The following ADCY2 variants were observed in gnomAD, a reference collection of about 807,000 sequenced individuals.
ADCY2 encodes adenylate cyclase 2, also known as adenylate cyclase type 2.
Under a neutral mutation model 125.2 loss-of-function variants are expected in ADCY2, and 31 were observed. The observed-to-expected ratio is 0.25, with a 90% confidence interval of 0.19 to 0.33. The LOEUF (loss-of-function observed/expected upper bound fraction) is 0.33. Ranked by LOEUF, ADCY2 falls within the 10% of genes least tolerant of loss-of-function variation. The pLI is 1.00. For missense variants in ADCY2, 904 were observed against 1,418.2 expected, an observed-to-expected ratio of 0.64 and a Z score of 5.82; for synonymous variants, 512 against 548.4, an observed-to-expected ratio of 0.93 and a Z score of 0.93.
intron 2 of ADCY2, among the ~76,000 whole-genome samples, chr5:7,444,254 C>A (rs1452548432): frequency 6.6e-6 from 1 of 151,776 alleles, no homozygotes; most frequent in African/African-American, 2.4e-5. Context: ...GCTGGGACTA[C>A]AGGCGCCCGC....
intron 2 of ADCY2, among the ~76,000 whole-genome samples, chr5:7,504,620 T>C (rs1743733640): frequency 6.7e-6 from 1 of 150,038 alleles, no homozygotes; most frequent in South Asian, 2.1e-4. Flanking sequence ...TTTCTTTCTT[T>C]TTTTTTTTTT....
At chr5:7,429,484 A>G (rs1740510544) in intron 2 of ADCY2, among the ~76,000 whole-genome samples, 1 of 152,362 alleles carries the variant, frequency 6.6e-6, no homozygotes, top group Non-Finnish European at 1.5e-5. Context: ...CATGTGGAAC[A>G]TTTATTTACT....
chr5:7,611,709 G>C (rs930548182), intron 3 of ADCY2, among the ~76,000 whole-genome samples: 1 of 152,102 alleles, frequency 6.6e-6, no homozygotes, highest in African/African-American at 2.4e-5. Flanking sequence ...ATGAGGGTTG[G>C]GGGTTTATCT....
chr5:7,765,938 C>CGAGA (rs145505658), intron 16 of ADCY2, among the ~76,000 whole-genome samples: 1 of 149,356 alleles, frequency 6.7e-6, no homozygotes, highest in Admixed American at 6.7e-5. Flanking sequence ...AGCGAGCGAG[C>CGAGA]GAGAGAGAGA....
In ADCY2 at chr5:7,591,385, A is replaced by G. The variant is rs1373196294; in HGVS notation, c.571-34782A>G. On this transcript the variant is annotated intron_variant, in intron 3 of 24. Coordinates refer to ENST00000338316, the MANE Select transcript of ADCY2 (RefSeq NM_020546.3). Reference sequence around the variant, plus strand: ...GTAATGATCACATTTATGATTCTGCACATGAACAGGACAGGTGATGTGAAC... The same window carrying G: ...GTAATGATCACATTTATGATTCTGCGCATGAACAGGACAGGTGATGTGAAC... 2.0e-5 allele frequency among the ~76,000 whole-genome samples: 3 copies of G among 152,222 alleles called. No homozygotes were observed. The East Asian group carries it at 5.8e-4, about 29-fold the overall frequency.
Position 7,826,928 on chromosome 5 carries a change from T to C in ADCY2, c.*57T>C. On this transcript the variant is annotated 3_prime_UTR_variant, in exon 25 of 25. Transcript: ENST00000338316. ...ATTTTCAGGAAGGTATCACACACTT[T>C]CTGACTGCAACTTCTGTCCCTTGTT... is the stretch of plus-strand genomic sequence containing the variant. 4 of 1,547,118 alleles carry C rather than the reference T, an allele frequency of 2.6e-6. No individual in the cohort carries two copies. Among genetic ancestry groups the C allele is most frequent in the Non-Finnish European group, 3.5e-6 (4 of 1,147,324 alleles).
At chr5:7,798,934 G>A (rs1744510225) in intron 20 of ADCY2, 1 of 152,174 alleles carries the variant, frequency 6.6e-6, no homozygotes, top group Non-Finnish European at 1.5e-5. Flanking sequence ...TACACACAGT[G>A]ACATGCAGGG....
chr5:7,713,024 C>T lies in ADCY2; in HGVS notation c.1622+125C>T. 3 of 661,580 alleles carry T rather than the reference C, an allele frequency of 4.5e-6. No individual in the cohort carries two copies. The South Asian group carries it at 6.5e-5, about 14-fold the overall frequency. 41.0% of individuals were successfully genotyped at this position (661,580 alleles called of 1,614,324 possible). A position where few individuals can be genotyped will look rare whatever the true frequency, so the allele number is the denominator to read the frequency against. On this transcript the variant is annotated intron_variant, in intron 11 of 24. Transcript: ENST00000338316. Reference sequence around the variant, plus strand: ...AAAGAGCAGCTCCCCCTGAAAAGCCCTATTAAATTGCTTTCAGCTTCTAAA... The same window carrying T: ...AAAGAGCAGCTCCCCCTGAAAAGCCTTATTAAATTGCTTTCAGCTTCTAAA...
At chr5:7,507,123 C>T (rs927212418) in intron 2 of ADCY2, among the ~76,000 whole-genome samples, 8 of 151,206 alleles carry the variant, frequency 5.3e-5, no homozygotes, top group Non-Finnish European at 1.0e-4. Flanking sequence ...CAGTGCACAT[C>T]GAAAGGGAGC....
intron 3 of ADCY2, among the ~76,000 whole-genome samples, chr5:7,568,507 GTTCCAT>G (rs1440086024): frequency 6.6e-6 from 1 of 151,906 alleles, no homozygotes; most frequent in Non-Finnish European, 1.5e-5. Context: ...TTCCAGAGGT[GTTCCAT>G]AGTTTAATGG....
At chr5:7,730,842 AT>A (rs55688950) in intron 14 of ADCY2, among the ~76,000 whole-genome samples, 139,830 of 151,930 alleles carry the variant, frequency 0.92, 65,264 homozygotes, top group East Asian at 1. Flanking sequence ...GGGGGGCGGT[AT>A]TTTCACTATA....
At chr5:7,509,399 T>A (rs1743970646) in intron 2 of ADCY2, among the ~76,000 whole-genome samples, 1 of 152,192 alleles carries the variant, frequency 6.6e-6, no homozygotes, top group Admixed American at 6.5e-5. Context: ...TCAGAACAGA[T>A]GAAGAGCTGG....
intron 13 of ADCY2, 56 bp from the exon 14 acceptor site, chr5:7,727,108 G>A (rs1741956617): frequency 1.5e-6 from 2 of 1,354,536 alleles, no homozygotes; most frequent in Admixed American, 3.5e-5. Context: ...GCTGGACACT[G>A]TGTGCAGCTC....
chr5:7,700,534 T>C (rs1264988583), intron 7 of ADCY2, among the ~76,000 whole-genome samples: 1 of 152,066 alleles, frequency 6.6e-6, no homozygotes, highest in Non-Finnish European at 1.5e-5. Context: ...AGCGTTGGAA[T>C]TGTGAGCTTA....
rs189747945 is a variant in ADCY2 at position 7,706,783 on chromosome 5, C to T, written c.1149C>T (p.Arg383=). Residue 383 remains arginine, a synonymous_variant, in exon 8 of 25, where the codon CGC becomes CGT. Transcript: ENST00000338316. The part of the protein sequence containing the change: ...RDATGVDINM[R]VGVHSGNVLC... ...CTACTGGAGTTGATATCAACATGCG[C>T]GTGGGCGTGCATTCTGGGAATGTCC... 68 of 1,614,148 alleles carry T rather than the reference C, an allele frequency of 4.2e-5. No homozygotes were observed. The African/African-American group carries it at 4.8e-4, about 11-fold the overall frequency.
intron 4 of ADCY2, 73 bp from the exon 5 acceptor site, chr5:7,690,618 G>T: frequency 3.0e-6 from 4 of 1,322,286 alleles, no homozygotes; most frequent in South Asian, 2.2e-5. Context: ...AATCAGTGAG[G>T]ATCTCCAATG....
intron 4 of ADCY2, among the ~76,000 whole-genome samples, chr5:7,685,949 G>C (rs1740507394): frequency 6.6e-6 from 1 of 152,180 alleles, no homozygotes; most frequent in Non-Finnish European, 1.5e-5. Flanking sequence ...CTTTTAGAAG[G>C]AGAAAAACTT....
intron 18 of ADCY2, among the ~76,000 whole-genome samples, chr5:7,775,535 C>A (rs113879614): frequency 0.036 from 5,449 of 151,610 alleles, 314 homozygotes; most frequent in African/African-American, 0.13. Flanking sequence ...GGATTGCAGG[C>A]AGCCGCCACC....
At chr5:7,642,839 A>G (rs953951164) in intron 4 of ADCY2, among the ~76,000 whole-genome samples, 1 of 152,110 alleles carries the variant, frequency 6.6e-6, no homozygotes, top group African/African-American at 2.4e-5. Context: ...AAAGAATTTC[A>G]TATCTCACCA....
Sources: gnomAD v4.1 joint callset for allele counts (sites outside exome capture counted in the v4.1 genomes callset) on GRCh38, gnomAD v4.1.1 for gene constraint, MANE v1.5 for transcripts, NCBI Gene and HGNC (gene_info 2026-07-23, HGNC 2026-07-21) for gene names.